CTNNA3: variants seen among roughly 807,000 people sequenced by gnomAD.
CTNNA3 encodes catenin alpha 3, also known as catenin alpha-3.
Under a neutral mutation model 95.7 loss-of-function variants are expected in CTNNA3, and 76 were observed. That is an observed-to-expected ratio of 0.79 (90% confidence interval 0.66 to 0.96). The LOEUF (loss-of-function observed/expected upper bound fraction) is 0.96, where lower values mean the gene tolerates loss of function less well. CTNNA3 is among the 40% of genes least tolerant of loss of function. The pLI, the probability that CTNNA3 is intolerant of heterozygous loss-of-function variation, is 0.00. For synonymous variants in CTNNA3, 431 were observed against 374.4 expected, an observed-to-expected ratio of 1.15 and a Z score of -1.74; for missense variants, 1,191 against 1,089.8, an observed-to-expected ratio of 1.09 and a Z score of -1.31.
At chr10:67,015,429 T>C (rs1412807475) in intron 7 of CTNNA3, 2 of 152,186 alleles carry the variant, frequency 1.3e-5, no homozygotes, top group Non-Finnish European at 2.9e-5. Flanking sequence ...CTTGATACTA[T>C]ATTTGACTGA....
intron 2 of CTNNA3, among the ~76,000 whole-genome samples, chr10:67,636,001 CT>C (rs1263190627): frequency 6.6e-6 from 1 of 152,096 alleles, no homozygotes; most frequent in Non-Finnish European, 1.5e-5. Flanking sequence ...GCAAAAATTG[CT>C]AGCATTCCTA....
At chr10:66,114,554 T>C (rs1052177938) in intron 13 of CTNNA3, among the ~76,000 whole-genome samples, 1 of 151,666 alleles carries the variant, frequency 6.6e-6, no homozygotes, top group Non-Finnish European at 1.5e-5. Context: ...TGTCCGTGTA[T>C]GTGTGTGAGA....
chr10:66,520,823 A>G (rs1266387809), intron 10 of CTNNA3, 50 bp from the exon 11 acceptor site: 2 of 1,453,508 alleles, frequency 1.4e-6, no homozygotes, highest in Admixed American at 3.5e-5. Flanking sequence ...AATGTTCACT[A>G]TTTGGGTGAT....
At chr10:67,074,408 T>C (rs1354026601) in intron 7 of CTNNA3, among the ~76,000 whole-genome samples, 2 of 131,004 alleles carry the variant, frequency 1.5e-5, no homozygotes. Flanking sequence ...TGAAGTGCAG[T>C]GGCACGATCT....
At chr10:66,713,169 C>T (rs1424254190) in intron 9 of CTNNA3, among the ~76,000 whole-genome samples, 7 of 152,196 alleles carry the variant, frequency 4.6e-5, no homozygotes, top group Non-Finnish European at 4.4e-5. Flanking sequence ...TGCCTGTGCC[C>T]GCCCATATCT....
intron 9 of CTNNA3, among the ~76,000 whole-genome samples, chr10:66,716,393 A>C (rs1345539856): frequency 6.6e-6 from 1 of 152,024 alleles, no homozygotes; most frequent in Non-Finnish European, 1.5e-5. Flanking sequence ...AGCCCACCCC[A>C]CCCACCTGCT....
At chr10:66,304,917 CTT>C (rs2091912533) in intron 12 of CTNNA3, among the ~76,000 whole-genome samples, 1 of 152,126 alleles carries the variant, frequency 6.6e-6, no homozygotes, top group African/African-American at 2.4e-5. Context: ...TATATTTACT[CTT>C]GTGTTTGATA....
intron 6 of CTNNA3, among the ~76,000 whole-genome samples, chr10:67,202,279 T>C (rs1463199950): frequency 1.3e-5 from 2 of 151,446 alleles, no homozygotes; most frequent in Non-Finnish European, 2.9e-5. Context: ...TGGCTAGATT[T>C]GGAAAACCCT....
At chr10:67,105,258 T>TAGATAGATAGATAGAA (rs1328114679) in intron 7 of CTNNA3, among the ~76,000 whole-genome samples, 1 of 152,044 alleles carries the variant, frequency 6.6e-6, no homozygotes, top group South Asian at 2.1e-4. Context: ...GATAGATAGA[T>TAGATAGATAGATAGAA]AGAATTAATT....
chr10:66,984,884 T>C (rs1660710872), intron 7 of CTNNA3, among the ~76,000 whole-genome samples: 1 of 152,178 alleles, frequency 6.6e-6, no homozygotes, highest in Non-Finnish European at 1.5e-5. Context: ...CATTTTTTGC[T>C]CTGTTTTGGT....
At chr10:67,115,284 C>G (rs948634593) in intron 7 of CTNNA3, among the ~76,000 whole-genome samples, 2 of 149,722 alleles carry the variant, frequency 1.3e-5, no homozygotes, top group Admixed American at 6.7e-5. Context: ...TAGACAGATT[C>G]TGGAAGCATG....
At chr10:66,740,028 G>C (rs1055848620) in intron 9 of CTNNA3, among the ~76,000 whole-genome samples, 6 of 152,234 alleles carry the variant, frequency 3.9e-5, no homozygotes, top group Non-Finnish European at 7.3e-5. Flanking sequence ...TGGCTGGCCA[G>C]ATTCAGATCA....
chr10:66,290,276 A>G (rs1453822404), intron 12 of CTNNA3, among the ~76,000 whole-genome samples: 3 of 152,038 alleles, frequency 2.0e-5, no homozygotes, highest in African/African-American at 7.2e-5. Context: ...GAGCCACATA[A>G]TCAAAGTTAG....
At chr10:67,398,734 T>C (rs1436328416) in intron 5 of CTNNA3, among the ~76,000 whole-genome samples, 1 of 152,154 alleles carries the variant, frequency 6.6e-6, no homozygotes, top group Admixed American at 6.5e-5. Flanking sequence ...TGGGAGGTAA[T>C]TGAATCATCT....
chr10:67,359,040 C>A (rs1842911945), intron 5 of CTNNA3, among the ~76,000 whole-genome samples: 1 of 151,960 alleles, frequency 6.6e-6, no homozygotes, highest in Admixed American at 6.6e-5. Flanking sequence ...CTAGATGACA[C>A]CACGAAAACA....
chr10:66,631,149 T>A (rs957331914), intron 9 of CTNNA3, among the ~76,000 whole-genome samples: 2 of 152,146 alleles, frequency 1.3e-5, no homozygotes, highest in African/African-American at 2.4e-5. Flanking sequence ...ATTTTATGAA[T>A]CCTCAATCAC....
chr10:66,963,143 A>C (rs1010477940), intron 7 of CTNNA3, among the ~76,000 whole-genome samples: 7 of 152,220 alleles, frequency 4.6e-5, no homozygotes, highest in Non-Finnish European at 1.0e-4. Context: ...AAACAAAGCT[A>C]GTACTTACAG....
At chr10:66,415,427 AG>A (rs1451556698) in intron 11 of CTNNA3, among the ~76,000 whole-genome samples, 4 of 152,102 alleles carry the variant, frequency 2.6e-5, no homozygotes, top group African/African-American at 9.7e-5. Context: ...CAAGGGACCT[AG>A]AGGGTTGTCA....
rs1475364130 is a variant in CTNNA3 at position 66,927,519 on chromosome 10, T to C, written c.1048-151995A>G. ...TCCGAAGTTTAGCCAGGAATGTCTT[T>C]GCTGGCATGATCAGACTCAAAGAAC... is the stretch of plus-strand genomic sequence containing the variant. On this transcript the variant is annotated intron_variant, in intron 7 of 17. Transcript: ENST00000433211. The surrounding 1 kb of genome is among the most constrained non-coding windows in gnomAD (Gnocchi z 4.7). The C allele has an allele frequency of 1.2e-6, 2 of 1,614,194 alleles. No individual in the cohort carries two copies. Among genetic ancestry groups the C allele is most frequent in the Non-Finnish European group, 1.7e-6 (2 of 1,180,044 alleles).
Sources: allele counts gnomAD v4.1 joint callset (sites outside exome capture counted in the v4.1 genomes callset), GRCh38; gene constraint gnomAD v4.1.1; non-coding constraint Gnocchi (gnomAD v3.1); transcripts MANE v1.5; gene names NCBI Gene and HGNC (gene_info 2026-07-23, HGNC 2026-07-21).